The following SNX18 variants were observed in gnomAD, a reference collection of about 807,000 sequenced individuals.
SNX18 encodes the protein sorting nexin 18, also known as sorting nexin-18.
SNX18 carries 35 observed loss-of-function variants against 48.7 expected under a neutral mutation model. The observed-to-expected ratio is 0.72, with a 90% CI of 0.55 to 0.95. The LOEUF (loss-of-function observed/expected upper bound fraction) is 0.95. Among genes scored for constraint, SNX18 ranks in the 40% least tolerant of loss-of-function variants. The pLI is 0.00. For synonymous variants in SNX18, 492 were observed against 384.7 expected (o/e 1.28, Z -3.26); for missense variants, 824 against 871.0 (o/e 0.95, Z 0.68).
the SNX18 span, among the ~76,000 whole-genome samples, chr5:54,624,645 C>T: frequency 2.0e-5 from 3 of 152,134 alleles, no homozygotes; most frequent in South Asian, 2.1e-4. Flanking sequence ...TTCATGATAC[C>T]GTGGCAAAAG....
At chr5:54,575,511 A>G in the SNX18 span, among the ~76,000 whole-genome samples, 1 of 151,298 alleles carries the variant, frequency 6.6e-6, no homozygotes, top group Non-Finnish European at 1.5e-5. Context: ...AGCTGAGATT[A>G]CAGGTGCTCA....
chr5:54,583,843 G>T, the SNX18 span, among the ~76,000 whole-genome samples: 1 of 152,108 alleles, frequency 6.6e-6, no homozygotes, highest in Non-Finnish European at 1.5e-5. Flanking sequence ...GGTCTCAAGG[G>T]TCAGTCCTAG....
chr5:54,605,887 C>T, the SNX18 span, among the ~76,000 whole-genome samples: 5 of 152,126 alleles, frequency 3.3e-5, no homozygotes, highest in African/African-American at 1.2e-4. Flanking sequence ...TAATCTTGAA[C>T]TTCTGGGCTC....
At chr5:54,589,142 C>A in the SNX18 span, among the ~76,000 whole-genome samples, 1 of 152,132 alleles carries the variant, frequency 6.6e-6, no homozygotes, top group South Asian at 2.1e-4. Flanking sequence ...TACATTGACA[C>A]CCCCAACCCC....
At chr5:54,528,174 CATT>C (rs1762173439) in intron 1 of SNX18, among the ~76,000 whole-genome samples, 1 of 151,840 alleles carries the variant, frequency 6.6e-6, no homozygotes, top group African/African-American at 2.4e-5. Flanking sequence ...ACATTTTCCT[CATT>C]AGTAAGTTTT....
At chr5:54,524,064 C>T (rs1274327005) in intron 1 of SNX18, among the ~76,000 whole-genome samples, 5 of 152,152 alleles carry the variant, frequency 3.3e-5, no homozygotes, top group African/African-American at 4.8e-5. Context: ...CCCATTTCTC[C>T]TCTCCCCTGC....
chr5:54,566,242 CA>C, the SNX18 span, among the ~76,000 whole-genome samples: 1 of 152,172 alleles, frequency 6.6e-6, no homozygotes, highest in Admixed American at 6.5e-5. Flanking sequence ...CCAATATAAA[CA>C]GCCTGAGTTC....
chr5:54,574,048 C>A, the SNX18 span, among the ~76,000 whole-genome samples: 1 of 152,152 alleles, frequency 6.6e-6, no homozygotes, highest in Non-Finnish European at 1.5e-5. Context: ...ACAATGTAGG[C>A]AGGGCACAGT....
chr5:54,596,241 T>C, the SNX18 span, among the ~76,000 whole-genome samples: 1 of 152,168 alleles, frequency 6.6e-6, no homozygotes, highest in Non-Finnish European at 1.5e-5. Flanking sequence ...TATGATGTTA[T>C]TTGAAAAAGG....
intron 1 of SNX18, among the ~76,000 whole-genome samples, chr5:54,537,305 A>T (rs1762376459): frequency 6.6e-6 from 1 of 152,238 alleles, no homozygotes. Context: ...TAGGTTTTTT[A>T]AAGAGTATAT....
At chr5:54,536,679 G>A (rs531832665) in intron 1 of SNX18, among the ~76,000 whole-genome samples, 19 of 152,068 alleles carry the variant, frequency 1.2e-4, no homozygotes, top group Non-Finnish European at 2.4e-4. Context: ...GAACAGTGCC[G>A]CAATAAACAT....
At chr5:54,642,215 C>A in the SNX18 span, among the ~76,000 whole-genome samples, 4 of 152,198 alleles carry the variant, frequency 2.6e-5, no homozygotes, top group African/African-American at 9.6e-5. Flanking sequence ...AAATCTTTAA[C>A]AAAACATAAT....
chr5:54,591,165 T>C, the SNX18 span, among the ~76,000 whole-genome samples: 3 of 19,594 alleles, frequency 1.5e-4, no homozygotes, highest in African/African-American at 2.7e-4. Context: ...TTTTTGTTTT[T>C]TGGGTTTTTT....
chr5:54,635,161 G>A, the SNX18 span, among the ~76,000 whole-genome samples: 1 of 151,484 alleles, frequency 6.6e-6, no homozygotes, highest in Non-Finnish European at 1.5e-5. Flanking sequence ...GTGTTTTCTA[G>A]AGTCTCAAAA....
At chr5:54,541,685 A>G (rs1376900298) in intron 1 of SNX18, among the ~76,000 whole-genome samples, 2 of 152,122 alleles carry the variant, frequency 1.3e-5, no homozygotes, top group African/African-American at 2.4e-5. Flanking sequence ...CTTTTCACTT[A>G]AAGGTCTCAT....
intron 1 of SNX18, among the ~76,000 whole-genome samples, chr5:54,528,372 G>C (rs772858055): frequency 2.0e-5 from 3 of 152,146 alleles, no homozygotes; most frequent in Non-Finnish European, 4.4e-5. Flanking sequence ...GTGCACAGAG[G>C]ACTGAAATAA....
the SNX18 span, among the ~76,000 whole-genome samples, chr5:54,565,177 T>C: frequency 1.3e-3 from 194 of 152,342 alleles, no homozygotes; most frequent in African/African-American, 4.4e-3. Flanking sequence ...GCAACATAAT[T>C]TCCCCTAGCC....
At chr5:54,575,736 T>C in the SNX18 span, among the ~76,000 whole-genome samples, 1 of 151,932 alleles carries the variant, frequency 6.6e-6, no homozygotes, top group African/African-American at 2.4e-5. Context: ...CACCCCACCA[T>C]ACCAGGAGAG....
chr5:54,603,029 G>T, the SNX18 span, among the ~76,000 whole-genome samples: 1 of 152,030 alleles, frequency 6.6e-6, no homozygotes, highest in Admixed American at 6.6e-5. Flanking sequence ...AAACCTCATG[G>T]CAATGTTTCC....
Sources: gnomAD v4.1 joint callset for allele counts (sites outside exome capture counted in the v4.1 genomes callset) on GRCh38, gnomAD v4.1.1 for gene constraint, MANE v1.5 for transcripts, NCBI Gene and HGNC (gene_info 2026-07-23, HGNC 2026-07-21) for gene names.